The following UNC79 variants were observed in gnomAD, a reference collection of about 807,000 sequenced individuals.
UNC79 encodes unc-79 subunit of NALCN channel complex.
UNC79 carries 37 observed loss-of-function variants against 283.1 expected under a neutral mutation model. The observed-to-expected ratio is 0.13, with a 90% confidence interval of 0.10 to 0.17. The LOEUF (loss-of-function observed/expected upper bound fraction) is 0.17. Among genes scored for constraint, UNC79 ranks in the 10% least tolerant of loss-of-function variants. UNC79 has a pLI of 1.00. For missense variants in UNC79, 2,272 were observed against 3,211.1 expected, an observed-to-expected ratio of 0.71 and a Z score of 7.07; for synonymous variants, 1,107 against 1,200.2, an observed-to-expected ratio of 0.92 and a Z score of 1.61.
At chr14:93,699,538 G>A (rs2075382954) in intron 47 of UNC79, among the ~76,000 whole-genome samples, 1 of 152,096 alleles carries the variant, frequency 6.6e-6, no homozygotes, top group Admixed American at 6.5e-5. Flanking sequence ...AAGTTGTTTA[G>A]AAGTGTGTTT....
At chr14:93,432,255 T>C (rs770640337) in intron 1 of UNC79, among the ~76,000 whole-genome samples, 2 of 152,230 alleles carry the variant, frequency 1.3e-5, no homozygotes, top group Non-Finnish European at 2.9e-5. Flanking sequence ...AATTCTCAGA[T>C]TGATGGTTCA....
At position 93,477,571 on chromosome 14, in the gene UNC79, G is replaced by A. The variant is rs139388481; in HGVS notation, c.462G>A (p.Ser154=). The change falls in exon 4 of 49, where the codon TCG becomes TCA. Residue 154 remains serine (S), a synonymous_variant. Transcript: ENST00000555664. ...TTTGTTTTGTAGATCTTGGACAGTC[G>A]ATATTTTATACAACTACATGTTTGC... The A allele has an allele frequency of 2.5e-6, 4 of 1,599,490 alleles. No individual in the cohort carries two copies. In the East Asian group the frequency reaches 6.8e-5, roughly 27 times the overall value.
intron 24 of UNC79, 71 bp from the exon 25 acceptor site, chr14:93,600,498 G>A (rs1032626333): frequency 8.7e-6 from 10 of 1,149,398 alleles, no homozygotes; most frequent in Admixed American, 4.7e-5. Flanking sequence ...CTAGTATATC[G>A]GCTTTGAAGT....
intron 14 of UNC79, among the ~76,000 whole-genome samples, chr14:93,568,948 T>C (rs1337396237): frequency 1.3e-5 from 2 of 152,214 alleles, no homozygotes; most frequent in African/African-American, 4.8e-5. Context: ...GCAAAGCTAC[T>C]TTTTAAAGTG....
chr14:93,668,401 A>T (rs1336608550), intron 40 of UNC79, among the ~76,000 whole-genome samples: 1 of 152,168 alleles, frequency 6.6e-6, no homozygotes, highest in East Asian at 1.9e-4. Flanking sequence ...TGTGGTGACA[A>T]AAGATAAATC....
intron 1 of UNC79, among the ~76,000 whole-genome samples, chr14:93,395,374 G>T (rs1017535290): frequency 6.6e-6 from 1 of 152,210 alleles, no homozygotes; most frequent in African/African-American, 2.4e-5. Context: ...TGTACAGGAA[G>T]CATGGCTGGG....
At chr14:93,443,593 T>G (rs941223864) in intron 1 of UNC79, among the ~76,000 whole-genome samples, 6 of 151,996 alleles carry the variant, frequency 3.9e-5, no homozygotes, top group Middle Eastern at 3.2e-3. Context: ...CCGGCTAATT[T>G]TTTGTATTTT....
intron 1 of UNC79, among the ~76,000 whole-genome samples, chr14:93,355,764 T>C (rs1455825031): frequency 6.6e-6 from 1 of 152,258 alleles, no homozygotes; most frequent in African/African-American, 2.4e-5. Flanking sequence ...CAACTACTCA[T>C]ATTTTCATGC....
At chr14:93,575,237 A>C (rs373384485) in intron 17 of UNC79, 39 bp downstream of exon 17, 10 of 1,611,936 alleles carry the variant, frequency 6.2e-6, no homozygotes, top group Non-Finnish European at 8.5e-6. Flanking sequence ...TGCTTTTAAA[A>C]ATCTTGAAAA....
intron 22 of UNC79, among the ~76,000 whole-genome samples, chr14:93,590,407 C>T (rs1354234357): frequency 2.6e-5 from 4 of 151,930 alleles, no homozygotes; most frequent in East Asian, 1.9e-4. Context: ...AGGAATGACC[C>T]GGAGGGAACA....
chr14:93,645,845 T>A (rs1232762775), intron 34 of UNC79, among the ~76,000 whole-genome samples: 2 of 152,180 alleles, frequency 1.3e-5, no homozygotes, highest in African/African-American at 4.8e-5. Context: ...GAATGGTGTC[T>A]GGTGTTAGTG....
intron 14 of UNC79, among the ~76,000 whole-genome samples, chr14:93,553,583 G>C (rs1358238436): frequency 6.6e-6 from 1 of 152,184 alleles, no homozygotes; most frequent in Non-Finnish European, 1.5e-5. Context: ...CACAGTTAAA[G>C]ATGCAATCAA....
intron 1 of UNC79, among the ~76,000 whole-genome samples, chr14:93,416,371 C>G (rs1211928918): frequency 6.6e-6 from 1 of 150,506 alleles, no homozygotes; most frequent in Non-Finnish European, 1.5e-5. Flanking sequence ...TTTGATTGCA[C>G]TGTGGTCTGA....
At chr14:93,445,601 A>C (rs1221045157) in intron 1 of UNC79, among the ~76,000 whole-genome samples, 1 of 152,156 alleles carries the variant, frequency 6.6e-6, no homozygotes, top group Non-Finnish European at 1.5e-5. Context: ...CTGGTTTTGA[A>C]ATCAGGATAA....
intron 47 of UNC79, among the ~76,000 whole-genome samples, chr14:93,696,372 TA>T (rs2140996890): frequency 6.6e-6 from 1 of 152,286 alleles, no homozygotes; most frequent in East Asian, 1.9e-4. Flanking sequence ...TATTTACCTT[TA>T]AAAAAATTGT....
At chr14:93,516,355 G>T (rs2060052017) in intron 7 of UNC79, among the ~76,000 whole-genome samples, 2 of 149,082 alleles carry the variant, frequency 1.3e-5, no homozygotes. Flanking sequence ...TTCTTTTAAA[G>T]AATTTTTTGG....
intron 1 of UNC79, among the ~76,000 whole-genome samples, chr14:93,393,852 T>C (rs1453821581): frequency 2.6e-5 from 4 of 152,340 alleles, no homozygotes; most frequent in African/African-American, 7.2e-5. Flanking sequence ...AATCCTTGGT[T>C]CTCTGCTATT....
chr14:93,578,590 TTC>T (rs2141704974), intron 18 of UNC79, among the ~76,000 whole-genome samples: 1 of 152,330 alleles, frequency 6.6e-6, no homozygotes, highest in Non-Finnish European at 1.5e-5. Context: ...CCACATCTGC[TTC>T]TCTTTCTCTG....
rs1364347272 is a variant in UNC79 at position 93,333,260 on chromosome 14, G to GAGTCGGGCGTCGGGTCGCTGGT, written c.-611_-610insCGGGCGTCGGGTCGCTGGTAGT. On this transcript the variant is annotated 5_prime_UTR_variant, in exon 1 of 50. Coordinates refer to the UNC79 transcript ENST00000256339. ...TGGGAGCCGGGCGTCGGGTCGCTGG[G>GAGTCGGGCGTCGGGTCGCTGGT]AGTTTGCCTCTTGTGGCAGCATCCT... The GAGTCGGGCGTCGGGTCGCTGGT allele has an allele frequency of 9.2e-5, 37 of 402,226 alleles. 2 individuals are homozygous for GAGTCGGGCGTCGGGTCGCTGGT. Among genetic ancestry groups the GAGTCGGGCGTCGGGTCGCTGGT allele is most frequent in the Admixed American group, 3.5e-4 (8 of 22,742 alleles). 24.9% of individuals were successfully genotyped at this position (402,226 alleles called of 1,614,324 possible).
Sources: allele counts gnomAD v4.1 joint callset (sites outside exome capture counted in the v4.1 genomes callset), GRCh38; gene constraint gnomAD v4.1.1; transcripts MANE v1.5; gene names NCBI Gene and HGNC (gene_info 2026-07-23, HGNC 2026-07-21).